The following USP32 variants were observed in gnomAD, a reference collection of about 807,000 sequenced individuals.
The protein encoded by USP32 is ubiquitin specific peptidase 32, also known as ubiquitin carboxyl-terminal hydrolase 32.
USP32 carries 59 observed loss-of-function variants against 204.8 expected under a neutral mutation model. The observed-to-expected ratio is 0.29, with a 90% confidence interval of 0.23 to 0.36. The LOEUF (loss-of-function observed/expected upper bound fraction) is 0.36. Among genes scored for constraint, USP32 ranks in the 10% least tolerant of loss-of-function variants. The probability of loss-of-function intolerance (pLI) is 1.00; values close to 1 mark genes in which losing one functional copy is unlikely to be tolerated. For synonymous variants in USP32, 517 were observed against 678.4 expected (o/e 0.76, Z 3.70); for missense variants, 1,160 against 1,946.4 (o/e 0.60, Z 7.60).
intron 1 of USP32, chr17:60,421,982 T>C (rs932564410): frequency 3.0e-5 from 29 of 980,062 alleles, no homozygotes; most frequent in Non-Finnish European, 3.5e-5. Context: ...GGGATCTTTA[T>C]ACACCCCCAA....
At chr17:60,372,713 G>A (rs1028921151) in intron 1 of USP32, among the ~76,000 whole-genome samples, 1 of 151,052 alleles carries the variant, frequency 6.6e-6, no homozygotes, top group Non-Finnish European at 1.5e-5. Context: ...CCCAGGCTTG[G>A]TGGCATGTGC....
chr17:60,244,447 G>C (rs887194278), intron 11 of USP32, among the ~76,000 whole-genome samples: 2 of 152,040 alleles, frequency 1.3e-5, no homozygotes, highest in African/African-American at 2.4e-5. Flanking sequence ...TGTTTTCTAT[G>C]TATCAAGTCT....
At position 60,205,577 on chromosome 17, in the gene USP32, T is replaced by C. The variant is rs752969880; in HGVS notation, c.3119A>G (p.Asn1040Ser). ...TGGCACAACAGTGTTTGGCATTCCA[T>C]TGGGGATGAATATTGGTCGGGGTAG... is the stretch of plus-strand genomic sequence containing the variant. Reference protein sequence around the residue: ...GDLPRPIFIPNGMPNTVVPCG... With the variant: ...GDLPRPIFIPSGMPNTVVPCG... The change falls in exon 26 of 34, where the codon AAT becomes AGT. Residue 1040 changes from asparagine (N) to serine (S), a missense_variant. Transcript: ENST00000300896. 8.7e-6 allele frequency: 14 copies of C among 1,613,858 alleles called. No homozygotes were observed. Among genetic ancestry groups the C allele is most frequent in the East Asian group, 4.5e-5 (2 of 44,892 alleles).
chr17:60,318,191 A>T (rs1361560040), intron 2 of USP32, among the ~76,000 whole-genome samples: 1 of 152,232 alleles, frequency 6.6e-6, no homozygotes, highest in African/African-American at 2.4e-5. Flanking sequence ...CTAGGCTAAA[A>T]GCAACAAAAT....
intron 1 of USP32, among the ~76,000 whole-genome samples, chr17:60,360,583 T>TGGAGGTGGAGGTTGCAG (rs2089185800): frequency 6.6e-6 from 1 of 151,726 alleles, no homozygotes; most frequent in Admixed American, 6.6e-5. Context: ...TGCTTGAGCC[T>TGGAGGTGGAGGTTGCAG]GGAGGTGGAG....
chr17:60,250,504 G>A (rs1000033501), intron 11 of USP32, among the ~76,000 whole-genome samples: 1 of 152,078 alleles, frequency 6.6e-6, no homozygotes, highest in African/African-American at 2.4e-5. Context: ...AAGCCTTTAT[G>A]TATGTCCTTA....
At chr17:60,404,245 A>G (rs1363509925) in intron 1 of USP32, among the ~76,000 whole-genome samples, 1 of 152,190 alleles carries the variant, frequency 6.6e-6, no homozygotes, top group Admixed American at 6.5e-5. Flanking sequence ...AATGCAAATA[A>G]TAAAGCAAAT....
chr17:60,239,350 G>A (rs1368079027), intron 11 of USP32, among the ~76,000 whole-genome samples: 1 of 152,172 alleles, frequency 6.6e-6, no homozygotes, highest in African/African-American at 2.4e-5. Flanking sequence ...AGTCCAATGA[G>A]CTTTTTGAAC....
intron 11 of USP32, among the ~76,000 whole-genome samples, chr17:60,248,683 A>G (rs550787104): frequency 6.6e-6 from 1 of 152,212 alleles, no homozygotes; most frequent in Admixed American, 6.5e-5. Context: ...GCTATTTTCT[A>G]TTTGGACAAG....
chr17:60,274,639 CA>C (rs1274352994), intron 5 of USP32, among the ~76,000 whole-genome samples: 1 of 152,084 alleles, frequency 6.6e-6, no homozygotes, highest in Non-Finnish European at 1.5e-5. Flanking sequence ...ACAAAATTGT[CA>C]ACCTCCAATT....
intron 1 of USP32, among the ~76,000 whole-genome samples, chr17:60,362,851 A>C (rs1324326597): frequency 1.3e-5 from 2 of 152,120 alleles, no homozygotes; most frequent in South Asian, 2.1e-4. Flanking sequence ...AAAAAAAAAA[A>C]CAAAAAACAC....
intron 1 of USP32, among the ~76,000 whole-genome samples, chr17:60,414,161 G>C (rs1163237413): frequency 6.6e-6 from 1 of 151,514 alleles, no homozygotes; most frequent in South Asian, 2.1e-4. Context: ...TCAGGAGTTC[G>C]AGACCAGCCT....
intron 27 of USP32, among the ~76,000 whole-genome samples, chr17:60,196,278 G>A (rs76893174): frequency 0.34 from 45,074 of 134,264 alleles, 13,321 homozygotes; most frequent in African/African-American, 0.81. Flanking sequence ...GCCAAAAAAA[G>A]AAAAAAAAAA....
chr17:60,198,808 C>A (rs2084594733), intron 26 of USP32, among the ~76,000 whole-genome samples: 2 of 152,186 alleles, frequency 1.3e-5, no homozygotes, highest in Admixed American at 1.3e-4. Flanking sequence ...AAGGCTCTTT[C>A]TTTCTCCAGA....
chr17:60,210,581 A>G (rs1362828157), intron 21 of USP32, among the ~76,000 whole-genome samples: 2 of 152,268 alleles, frequency 1.3e-5, no homozygotes, highest in African/African-American at 4.8e-5. Context: ...TGCTGAGATT[A>G]CAGGCGTGAG....
In USP32 at chr17:60,183,348, G is replaced by C. The variant is rs532156911; in HGVS notation, c.3940C>G (p.Pro1314Ala). The part of the protein sequence containing the change: ...ESFDPSAFLV[P>A]RDPALCQHKP... Reference sequence around the variant, plus strand: ...TGCTGGCAGAGAGCCGGGTCTCTTGGTACCAAAAAAGCACTTGGATCAAAA... The same window carrying C: ...TGCTGGCAGAGAGCCGGGTCTCTTGCTACCAAAAAAGCACTTGGATCAAAA... Residue 1314 changes from proline to alanine, a missense_variant, in exon 31 of 34, where the codon CCA (proline) becomes GCA (alanine). This residue lies in a region of USP32 where 244 missense variants were observed against 342.3 expected (regional missense o/e 0.71). Transcript: ENST00000300896. 2.5e-6 allele frequency: 4 copies of C among 1,613,710 alleles called. No homozygotes were observed. The highest frequency in any genetic ancestry group is 2.7e-5 in the African/African-American group (2 of 75,000).
At chr17:60,288,233 A>G (rs951953736) in intron 5 of USP32, among the ~76,000 whole-genome samples, 4 of 151,588 alleles carry the variant, frequency 2.6e-5, no homozygotes, top group Non-Finnish European at 5.9e-5. Flanking sequence ...TGAGCCCAAG[A>G]GTTCAAGACC....
chr17:60,287,060 G>A (rs772893850), intron 5 of USP32, among the ~76,000 whole-genome samples: 3 of 152,174 alleles, frequency 2.0e-5, no homozygotes, highest in Non-Finnish European at 4.4e-5. Flanking sequence ...TGAGGCAGAA[G>A]AATCGCTTGA....
intron 2 of USP32, among the ~76,000 whole-genome samples, chr17:60,303,118 C>T (rs1053242966): frequency 6.6e-6 from 1 of 152,066 alleles, no homozygotes; most frequent in Non-Finnish European, 1.5e-5. Flanking sequence ...TAACTCAACC[C>T]AGCAAAAACT....
Sources: gnomAD v4.1 joint callset for allele counts (sites outside exome capture counted in the v4.1 genomes callset) on GRCh38, gnomAD v4.1.1 for gene constraint, gnomAD v4.1.1 regional missense constraint, MANE v1.5 for transcripts, NCBI Gene and HGNC (gene_info 2026-07-23, HGNC 2026-07-21) for gene names.